Variants in RHOA observed in about 807,000 individuals in gnomAD.
RHOA encodes the protein transforming protein RhoA.
Under a neutral mutation model 17.5 loss-of-function variants are expected in RHOA, and 3 were observed. The ratio of observed to expected loss-of-function variants is 0.17; its 90% CI spans 0.08 to 0.44. The LOEUF is 0.44. Among genes scored for constraint, RHOA ranks in the 20% least tolerant of loss-of-function variants. RHOA has a pLI of 0.99. For synonymous variants in RHOA, 98 were observed against 88.4 expected, an observed-to-expected ratio of 1.11 and a Z score of -0.61; for missense variants, 56 against 242.3, an observed-to-expected ratio of 0.23 and a Z score of 5.10.
intron 1 of RHOA, among the ~76,000 whole-genome samples, chr3:49,396,440 T>G (rs772919717): frequency 1.3e-5 from 2 of 151,934 alleles, no homozygotes; most frequent in African/African-American, 4.8e-5. Flanking sequence ...TTGGGCGCGG[T>G]GGCTCGCACC....
intron 1 of RHOA, among the ~76,000 whole-genome samples, chr3:49,398,308 G>C (rs529885408): frequency 6.6e-6 from 1 of 151,790 alleles, no homozygotes; most frequent in African/African-American, 2.4e-5. Context: ...CCTTGAGATC[G>C]CACCACTGCA....
chr3:49,406,117 C>G (rs996341019), intron 1 of RHOA, among the ~76,000 whole-genome samples: 5 of 152,166 alleles, frequency 3.3e-5, no homozygotes, highest in Non-Finnish European at 7.4e-5. Context: ...GTATTTCCAA[C>G]AAAGCTGCCA....
intron 2 of RHOA, among the ~76,000 whole-genome samples, chr3:49,374,107 T>C (rs2048187154): frequency 6.6e-6 from 1 of 152,036 alleles, no homozygotes; most frequent in Non-Finnish European, 1.5e-5. Context: ...TCCCAGCACT[T>C]TGGGAGGCCG....
chr3:49,386,483 G>T (rs1393369438), intron 1 of RHOA, among the ~76,000 whole-genome samples: 1 of 152,196 alleles, frequency 6.6e-6, no homozygotes, highest in Non-Finnish European at 1.5e-5. Flanking sequence ...AGGCTAATTT[G>T]TTCAACGTCA....
chr3:49,379,197 A>T (rs1376710548), intron 1 of RHOA, among the ~76,000 whole-genome samples: 1 of 152,190 alleles, frequency 6.6e-6, no homozygotes, highest in Non-Finnish European at 1.5e-5. Context: ...AATATTATTC[A>T]GCGATAAAGG....
chr3:49,411,575 G>A (rs997820788), intron 1 of RHOA, among the ~76,000 whole-genome samples: 32 of 151,984 alleles, frequency 2.1e-4, no homozygotes, highest in Admixed American at 5.2e-4. Flanking sequence ...CACCAGGCCC[G>A]GCCGGGCGGG....
chr3:49,366,127 C>CCCTCT (rs2048050834), intron 3 of RHOA, among the ~76,000 whole-genome samples: 1 of 152,120 alleles, frequency 6.6e-6, no homozygotes, highest in Admixed American at 6.6e-5. Flanking sequence ...AAGAATTATA[C>CCCTCT]ACTAGATAAC....
intron 1 of RHOA, among the ~76,000 whole-genome samples, chr3:49,402,266 C>G (rs895199938): frequency 6.6e-6 from 1 of 151,994 alleles, no homozygotes; most frequent in East Asian, 1.9e-4. Flanking sequence ...TAAGACAATG[C>G]GTATCTAGTA....
intron 1 of RHOA, among the ~76,000 whole-genome samples, chr3:49,406,002 C>G (rs1439153977): frequency 6.6e-6 from 1 of 152,088 alleles, no homozygotes; most frequent in Non-Finnish European, 1.5e-5. Context: ...TGTTTCTGAA[C>G]TTAAGATCTT....
chr3:49,386,713 G>T (rs1382883586), intron 1 of RHOA, among the ~76,000 whole-genome samples: 1 of 152,134 alleles, frequency 6.6e-6, no homozygotes, highest in Non-Finnish European at 1.5e-5. Context: ...AACTTAGGGC[G>T]ATTAACTAGT....
chr3:49,393,638 CAGTT>C (rs2048551754), intron 1 of RHOA, among the ~76,000 whole-genome samples: 1 of 80,930 alleles, frequency 1.2e-5, no homozygotes, highest in Non-Finnish European at 2.3e-5. Flanking sequence ...GCCTCAAGAA[CAGTT>C]AGGACCACAG....
chr3:49,403,326 T>TC (rs1221295494), intron 1 of RHOA, among the ~76,000 whole-genome samples: 1 of 151,976 alleles, frequency 6.6e-6, no homozygotes, highest in African/African-American at 2.4e-5. Flanking sequence ...AGAATAAGAC[T>TC]CCGTCTCAAA....
chr3:49,365,711 C>T (rs537537132), intron 3 of RHOA, among the ~76,000 whole-genome samples: 8 of 151,598 alleles, frequency 5.3e-5, no homozygotes, highest in African/African-American at 1.9e-4. Context: ...CTGCCTCAGC[C>T]TCCTGAGTAG....
chr3:49,388,167 C>T (rs1163677224), intron 1 of RHOA, among the ~76,000 whole-genome samples: 1 of 151,736 alleles, frequency 6.6e-6, no homozygotes, highest in Non-Finnish European at 1.5e-5. Context: ...CCACCATTCC[C>T]GACTAAATTT....
intron 1 of RHOA, among the ~76,000 whole-genome samples, chr3:49,380,940 G>GTGTA (rs1553633416): frequency 1.1e-4 from 17 of 150,310 alleles, no homozygotes; most frequent in South Asian, 8.4e-4. Flanking sequence ...ACGTGTGTGT[G>GTGTA]TATATATATA....
intron 1 of RHOA, among the ~76,000 whole-genome samples, chr3:49,388,561 G>C (rs992541585): frequency 2.2e-4 from 34 of 152,138 alleles, no homozygotes; most frequent in Non-Finnish European, 3.4e-4. Context: ...GCTTCAGTAG[G>C]TAAATTAAAA....
rs1304022347 is a variant in RHOA, at chr3:49,375,602, A to G, written c.-2-11T>C. Reference sequence around the variant, plus strand: ...GGATGGCAGCCATTGCTGAAACACAAAACACAGATATTACCTGCAATGCAC... The same window carrying G: ...GGATGGCAGCCATTGCTGAAACACAGAACACAGATATTACCTGCAATGCAC... On this transcript the variant is annotated splice_polypyrimidine_tract_variant and intron_variant, in intron 1 of 4. Coordinates refer to ENST00000418115, the MANE Select transcript of RHOA (RefSeq NM_001664.4). 1 of 1,612,156 alleles carries G rather than the reference A, an allele frequency of 6.2e-7. No individual in the cohort carries two copies. The highest frequency in any genetic ancestry group is 1.3e-5 in the African/African-American group (1 of 74,872).
chr3:49,379,655 A>G, intron 1 of RHOA, among the ~76,000 whole-genome samples: 1 of 152,044 alleles, frequency 6.6e-6, no homozygotes, highest in East Asian at 1.9e-4. Flanking sequence ...GCTGGAACTA[A>G]AGGTGCATGC....
chr3:49,378,063 C>T (rs1244948466), intron 1 of RHOA, among the ~76,000 whole-genome samples: 1 of 149,052 alleles, frequency 6.7e-6, no homozygotes, highest in Admixed American at 6.8e-5. Context: ...GCAGGAGAAT[C>T]GCTTGAACCC....
Sources: gnomAD v4.1 joint callset for allele counts (sites outside exome capture counted in the v4.1 genomes callset) on GRCh38, gnomAD v4.1.1 for gene constraint, MANE v1.5 for transcripts, NCBI Gene and HGNC (gene_info 2026-07-23, HGNC 2026-07-21) for gene names.